The following NBEAL1 variants were observed in gnomAD, a reference collection of about 807,000 sequenced individuals.
NBEAL1 encodes the protein neurobeachin like 1.
Under a neutral mutation model 351.3 loss-of-function variants are expected in NBEAL1, and 273 were observed. The observed-to-expected ratio is 0.78, with a 90% confidence interval of 0.70 to 0.86. The LOEUF (loss-of-function observed/expected upper bound fraction) is 0.86, where lower values mean the gene tolerates loss of function less well. NBEAL1 is among the 40% of genes least tolerant of loss of function. NBEAL1 has a pLI of 0.00. For missense variants in NBEAL1, 2,961 were observed against 3,201.3 expected (o/e 0.92, Z 1.81); for synonymous variants, 1,050 against 1,086.4 (o/e 0.97, Z 0.66).
chr2:203,016,483 A>T, intron 2 of NBEAL1, 48 bp downstream of exon 2: 2 of 1,268,898 alleles, frequency 1.6e-6, no homozygotes, highest in Non-Finnish European at 2.1e-6. Context: ...CTTTATTATA[A>T]AATTTGTGAC....
chr2:203,145,047 T>A lies in NBEAL1; in HGVS notation c.5191T>A (p.Phe1731Ile). ...PYMKQYEAHT[F>I]YDGHENMALY... ...TATGAAGCAGTATGAAGCTCATACA[T>A]TTTACGATGGTCATGAGAACATGGC... The change falls in exon 33 of 56, where the codon TTT (phenylalanine) becomes ATT (isoleucine). Residue 1731 changes from phenylalanine to isoleucine, a missense_variant. Phe to Ile is a conservative substitution (Grantham distance 21). Transcript: ENST00000683969. 2 of 1,609,442 alleles carry A rather than the reference T, an allele frequency of 1.2e-6. No homozygotes were observed. Among genetic ancestry groups the A allele is most frequent in the Non-Finnish European group, 1.7e-6 (2 of 1,178,114 alleles).
chr2:203,056,997 C>T (rs936081691), intron 5 of NBEAL1, among the ~76,000 whole-genome samples: 1 of 152,050 alleles, frequency 6.6e-6, no homozygotes, highest in South Asian at 2.1e-4. Flanking sequence ...TAAATATAGA[C>T]AAGTAGTTAT....
intron 54 of NBEAL1, among the ~76,000 whole-genome samples, chr2:203,212,885 T>C (rs954778411): frequency 1.3e-5 from 2 of 152,132 alleles, no homozygotes; most frequent in African/African-American, 2.4e-5. Context: ...ATGAACATGG[T>C]GTGTACTGTG....
chr2:203,186,260 A>G (rs970188130), intron 44 of NBEAL1, among the ~76,000 whole-genome samples: 1 of 152,236 alleles, frequency 6.6e-6, no homozygotes, highest in Non-Finnish European at 1.5e-5. Flanking sequence ...CCTAAAATTC[A>G]GTATCTCATT....
intron 21 of NBEAL1, 60 bp downstream of exon 21, chr2:203,126,153 G>A: frequency 7.0e-7 from 1 of 1,420,168 alleles, no homozygotes. Flanking sequence ...GTTGATGTTG[G>A]GATTTTTTCT....
chr2:203,079,266 T>G (rs2061830906), intron 8 of NBEAL1, among the ~76,000 whole-genome samples: 2 of 152,124 alleles, frequency 1.3e-5, no homozygotes. Flanking sequence ...TTTGTATTTT[T>G]GTAAAGACAC....
intron 4 of NBEAL1, among the ~76,000 whole-genome samples, chr2:203,056,162 A>G (rs929892542): frequency 6.6e-6 from 1 of 152,172 alleles, no homozygotes; most frequent in African/African-American, 2.4e-5. Context: ...CTACTTTGTG[A>G]TATTTTCCAA....
intron 17 of NBEAL1, among the ~76,000 whole-genome samples, chr2:203,115,524 C>T (rs563523015): frequency 7.9e-4 from 120 of 152,226 alleles, no homozygotes; most frequent in African/African-American, 2.4e-3. Context: ...CAACTTCTGC[C>T]TCCCAGGCTT....
Position 203,193,932 on chromosome 2 carries a change from A to G in NBEAL1, c.7038+21A>G, listed in dbSNP as rs55843049. 8.7e-3 allele frequency: 11,785 copies of G among 1,358,288 alleles called. 64 individuals carry two copies. The highest frequency in any genetic ancestry group is 0.01 in the Non-Finnish European group (9,896 of 962,536). The allele number at this position is 1,358,288 out of a possible 1,614,324, so 84.1% of individuals were successfully genotyped here. A position where few individuals can be genotyped will look rare whatever the true frequency, so the allele number is the denominator to read the frequency against. ...TAGAGGTAATATCCTACTTGGTAATATCAAAAAGAGTTTTCTCTAAATTCT... is the reference window on the plus strand; with the variant it reads ...TAGAGGTAATATCCTACTTGGTAATGTCAAAAAGAGTTTTCTCTAAATTCT... On this transcript the variant is annotated intron_variant, in intron 47 of 55. Transcript: ENST00000683969.
intron 4 of NBEAL1, among the ~76,000 whole-genome samples, chr2:203,051,544 C>CAA (rs11305453): frequency 9.0e-6 from 1 of 110,656 alleles, no homozygotes; most frequent in Non-Finnish European, 1.9e-5. Flanking sequence ...AGACTCTTCT[C>CAA]AAAAAAAAAA....
At chr2:203,093,704 A>G (rs557601719) in intron 10 of NBEAL1, among the ~76,000 whole-genome samples, 1 of 152,160 alleles carries the variant, frequency 6.6e-6, no homozygotes, top group Non-Finnish European at 1.5e-5. Context: ...AAATACAAAA[A>G]TTAGCTGGGC....
intron 49 of NBEAL1, 40 bp from the exon 50 acceptor site, chr2:203,201,503 A>C: frequency 6.9e-7 from 1 of 1,449,782 alleles, no homozygotes; most frequent in Non-Finnish European, 9.2e-7. Flanking sequence ...AGTATACGTG[A>C]TCTTGTAAGG....
intron 8 of NBEAL1, among the ~76,000 whole-genome samples, chr2:203,081,567 A>C (rs2061873677): frequency 6.6e-6 from 1 of 152,262 alleles, no homozygotes; most frequent in East Asian, 1.9e-4. Flanking sequence ...TAATAAAATT[A>C]AAACAGCTTA....
chr2:203,066,898 G>A (rs2061600115), intron 6 of NBEAL1, among the ~76,000 whole-genome samples: 3 of 146,444 alleles, frequency 2.0e-5, no homozygotes, highest in Admixed American at 6.8e-5. Context: ...CAGATGGGAC[G>A]GCTGGGCAGA....
chr2:203,100,553 T>C (rs1037594825), intron 12 of NBEAL1, among the ~76,000 whole-genome samples: 1 of 151,176 alleles, frequency 6.6e-6, no homozygotes, highest in African/African-American at 2.4e-5. Context: ...CTTTTCTTTT[T>C]TTTTTTTTTT....
intron 3 of NBEAL1, among the ~76,000 whole-genome samples, chr2:203,046,417 C>T (rs947168797): frequency 2.0e-5 from 3 of 152,008 alleles, no homozygotes; most frequent in Non-Finnish European, 4.4e-5. Context: ...TGGGGTTTCA[C>T]CGTGTTAGCC....
rs1363181428 is a variant in NBEAL1, at chr2:203,097,561, T to C, written c.1113T>C (p.Ala371=). The part of the protein sequence containing the change: ...LLQNCKLFLN[A]NNKVADKNEK... ...GTTTTTAACAGCTATTTTTAAATGC[T>C]AACAATAAGGTGGCAGACAAGAACG... Residue 371 remains alanine, a synonymous_variant, in exon 11 of 56, where the codon GCT becomes GCC. Transcript: ENST00000683969. 1 of 985,222 alleles carries C rather than the reference T, an allele frequency of 1.0e-6. No homozygotes were observed. The allele number at this position is 985,222 out of a possible 1,614,324, so 61.0% of individuals were successfully genotyped here. A position where few individuals can be genotyped will look rare whatever the true frequency, so the allele number is the denominator to read the frequency against.
rs1212822487 is a variant in NBEAL1, at chr2:203,219,058, A to G, written c.*1704A>G. Reference sequence around the variant, plus strand: ...ATTATGATGCATAAATGAGACTGGCATCTATTCATTTATTTTATTCTTTTT... The same window carrying G: ...ATTATGATGCATAAATGAGACTGGCGTCTATTCATTTATTTTATTCTTTTT... On this transcript the variant is annotated 3_prime_UTR_variant, in exon 56 of 56. Coordinates refer to ENST00000683969, the MANE Select transcript of NBEAL1 (RefSeq NM_001378026.1). The G allele has an allele frequency of 6.6e-6, 1 of 152,140 alleles. No individual in the cohort carries two copies. The highest frequency in any genetic ancestry group is 6.6e-5 in the Admixed American group (1 of 15,266). 9.4% of individuals were successfully genotyped at this position (152,140 alleles called of 1,614,324 possible). A position where few individuals can be genotyped will look rare whatever the true frequency, so the allele number is the denominator to read the frequency against.
At chr2:203,118,917 C>T (rs1429778902) in intron 18 of NBEAL1, among the ~76,000 whole-genome samples, 1 of 151,724 alleles carries the variant, frequency 6.6e-6, no homozygotes, top group Non-Finnish European at 1.5e-5. Flanking sequence ...TTATGGTCAT[C>T]GTATTCTTTT....
Sources: gnomAD v4.1 joint callset for allele counts (sites outside exome capture counted in the v4.1 genomes callset) on GRCh38, gnomAD v4.1.1 for gene constraint, MANE v1.5 for transcripts, NCBI Gene and HGNC (gene_info 2026-07-23, HGNC 2026-07-21) for gene names.